The following KLHDC1 variants were observed in gnomAD, a reference collection of about 807,000 sequenced individuals.
KLHDC1 encodes the protein kelch domain containing 1, also known as kelch domain-containing protein 1.
Under a neutral mutation model 68.3 loss-of-function variants are expected in KLHDC1, and 53 were observed. The ratio of observed to expected loss-of-function variants is 0.78; its 90% CI spans 0.62 to 0.98. The LOEUF is 0.98. KLHDC1 is among the 50% of genes least tolerant of loss of function. The probability of loss-of-function intolerance (pLI) is 0.00; values close to 1 mark genes in which losing one functional copy is unlikely to be tolerated. For missense variants in KLHDC1, 470 were observed against 492.3 expected, an observed-to-expected ratio of 0.95 and a Z score of 0.43; for synonymous variants, 148 against 159.0, an observed-to-expected ratio of 0.93 and a Z score of 0.52.
Position 49,752,960 on chromosome 14 carries a change from A to G in KLHDC1, c.*1188A>G, listed in dbSNP as rs188761253. The stretch of plus-strand genomic sequence containing the variant: ...GAAATATATATAATTTATAATGAAA[A>G]TTATAGTAGTTTGTAGTATTTCATT... On this transcript the variant is annotated 3_prime_UTR_variant, in exon 13 of 13. Coordinates refer to ENST00000359332, the MANE Select transcript of KLHDC1 (RefSeq NM_172193.3). 5.9e-4 allele frequency: 90 copies of G among 152,070 alleles called. No individual in the cohort carries two copies. Among genetic ancestry groups the G allele is most frequent in the African/African-American group, 2.0e-3 (85 of 41,546 alleles). 9.4% of individuals were successfully genotyped at this position (152,070 alleles called of 1,614,324 possible).
At position 49,713,831 on chromosome 14, in the gene KLHDC1, TATATATATATATATA is replaced by T. The variant is rs1888287677; in HGVS notation, c.404+3451_404+3465del. Among the ~76,000 whole-genome samples the T allele has an allele frequency of 3.4e-3, 47 of 13,704 alleles. 3 individuals are homozygous for T. Among genetic ancestry groups the T allele is most frequent in the Non-Finnish European group, 3.9e-3 (28 of 7,130 alleles). 9.0% of individuals were successfully genotyped at this position (13,704 alleles called of 152,430 possible). The stretch of plus-strand genomic sequence containing the variant: ...ATATATATATATATATATATATATA[TATATATATATATATA>T]TATATTTTTTTTTTTTTTTTTCCTG... On this transcript the variant is annotated intron_variant, in intron 4 of 12. Transcript: ENST00000359332.
At chr14:49,700,764 A>G (rs993149352) in intron 1 of KLHDC1, among the ~76,000 whole-genome samples, 6 of 152,164 alleles carry the variant, frequency 3.9e-5, no homozygotes, top group African/African-American at 1.4e-4. Context: ...GCAAGTAGAG[A>G]TAGTACAATG....
chr14:49,751,489 T>C (rs112257985), intron 12 of KLHDC1, 97 bp from the exon 13 acceptor site: 6 of 558,818 alleles, frequency 1.1e-5, no homozygotes, highest in African/African-American at 7.8e-5. Context: ...GAAAGTCCAA[T>C]ACTACAATGT....
intron 8 of KLHDC1, among the ~76,000 whole-genome samples, chr14:49,730,441 C>T (rs1050325943): frequency 6.6e-5 from 10 of 151,874 alleles, no homozygotes; most frequent in Admixed American, 2.0e-4. Flanking sequence ...AGGATGGTCT[C>T]GATCTCTTGA....
intron 4 of KLHDC1, among the ~76,000 whole-genome samples, chr14:49,723,326 A>T (rs778884163): frequency 4.6e-5 from 7 of 151,932 alleles, no homozygotes; most frequent in Non-Finnish European, 1.0e-4. Flanking sequence ...TGACCCCAAG[A>T]GTTCAAGACC....
chr14:49,751,716 C>T lies in KLHDC1; in HGVS notation c.1165C>T (p.Gln389Ter), dbSNP rs1191394241. 1.2e-6 allele frequency: 2 copies of T among 1,601,320 alleles called. No individual in the cohort carries two copies. The highest frequency in any genetic ancestry group is 2.2e-5 in the South Asian group (2 of 89,444). Residue 389 changes from glutamine (Q) to a stop codon, truncating the protein, a stop_gained, in exon 13 of 13, where the codon CAA becomes TAA. Transcript: ENST00000359332. LOFTEE classifies it high-confidence loss of function. ...FWAAANHREEQRVQKEETENK... is the reference protein window; with the variant it reads ...FWAAANHREE ...GGCTGCAGCTAATCACCGAGAAGAA[C>T]AAAGAGTCCAAAAAGAAGAAACAGA...
intron 4 of KLHDC1, among the ~76,000 whole-genome samples, chr14:49,718,545 T>G (rs1386968484): frequency 6.6e-6 from 1 of 152,132 alleles, no homozygotes; most frequent in Non-Finnish European, 1.5e-5. Flanking sequence ...CCTCCCAAAG[T>G]GCTGGGATTA....
chr14:49,728,048 G>A (rs1236598110), intron 6 of KLHDC1, among the ~76,000 whole-genome samples: 2 of 152,160 alleles, frequency 1.3e-5, no homozygotes, highest in Admixed American at 6.5e-5. Context: ...CTAGGGTGGC[G>A]TAATGGCTCA....
At chr14:49,714,673 C>T (rs769399814) in intron 4 of KLHDC1, among the ~76,000 whole-genome samples, 29 of 151,658 alleles carry the variant, frequency 1.9e-4, no homozygotes, top group Non-Finnish European at 4.0e-4. Context: ...GTCCCAGCTA[C>T]TTGGGAGGCT....
chr14:49,730,418 C>T (rs901410439), intron 8 of KLHDC1, among the ~76,000 whole-genome samples: 5 of 151,920 alleles, frequency 3.3e-5, no homozygotes, highest in African/African-American at 1.2e-4. Flanking sequence ...GACGAGATTT[C>T]ACCATGTTGG....
intron 5 of KLHDC1, 34 bp downstream of exon 5, chr14:49,723,986 A>G (rs1888604102): frequency 1.6e-6 from 2 of 1,214,632 alleles, no homozygotes; most frequent in African/African-American, 3.0e-5. Flanking sequence ...ATTTTCCTCC[A>G]AGTCAGTATA....
At position 49,734,663 on chromosome 14, in the gene KLHDC1, TA is replaced by T; in HGVS notation, c.896+4del. ...ACATTTACCTAAAACAAGACCTAGG[TA>T]AGTCAAGAAATTGACAAATAGTAAA... On this transcript the variant is annotated splice_donor_region_variant and intron_variant, in intron 10 of 12. Coordinates refer to ENST00000359332, the MANE Select transcript of KLHDC1 (RefSeq NM_172193.3). 6.5e-7 allele frequency: 1 copy of T among 1,544,020 alleles called. No individual in the cohort carries two copies. The highest frequency in any genetic ancestry group is 8.9e-7 in the Non-Finnish European group (1 of 1,126,206).
rs551332213 is a variant in KLHDC1, at chr14:49,743,181, G to T, written c.982-572G>T. The stretch of plus-strand genomic sequence containing the variant: ...GGAGGCTGAGGCAGGTGGATCACCT[G>T]AGGTCAGGAGTTCGAAACCAGCCTG... On this transcript the variant is annotated intron_variant, in intron 11 of 12. Transcript: ENST00000359332. 2.6e-5 allele frequency among the ~76,000 whole-genome samples: 4 copies of T among 151,664 alleles called. No homozygotes were observed. In the East Asian group the frequency reaches 7.7e-4, roughly 29 times the overall value.
intron 10 of KLHDC1, among the ~76,000 whole-genome samples, chr14:49,737,779 C>G (rs2139763396): frequency 6.9e-6 from 1 of 145,392 alleles, no homozygotes; most frequent in South Asian, 2.2e-4. Context: ...GTGGGAGGAT[C>G]ACTTGAGCCT....
intron 1 of KLHDC1, among the ~76,000 whole-genome samples, chr14:49,706,328 G>T (rs771986922): frequency 6.6e-6 from 1 of 152,002 alleles, no homozygotes; most frequent in Non-Finnish European, 1.5e-5. Context: ...CTTTTTTATG[G>T]CTGAATGGTG....
chr14:49,736,145 A>C (rs1202107713), intron 10 of KLHDC1, among the ~76,000 whole-genome samples: 2 of 152,218 alleles, frequency 1.3e-5, no homozygotes, highest in Non-Finnish European at 2.9e-5. Context: ...TATTAGTAAA[A>C]ATGTTTAATT....
At chr14:49,720,350 G>T (rs1379399869) in intron 4 of KLHDC1, among the ~76,000 whole-genome samples, 1 of 152,098 alleles carries the variant, frequency 6.6e-6, no homozygotes, top group Non-Finnish European at 1.5e-5. Flanking sequence ...AAACTCCTGG[G>T]TTCAAGCACT....
chr14:49,746,076 T>G (rs1889193076), intron 12 of KLHDC1, among the ~76,000 whole-genome samples: 1 of 151,900 alleles, frequency 6.6e-6, no homozygotes, highest in Admixed American at 6.6e-5. Flanking sequence ...ATGGAGATAT[T>G]TAGGAGGGAG....
intron 4 of KLHDC1, among the ~76,000 whole-genome samples, chr14:49,723,221 A>G (rs1222711935): frequency 6.6e-6 from 1 of 150,570 alleles, no homozygotes; most frequent in Admixed American, 6.6e-5. Context: ...CCCACAGCAC[A>G]TGGGAATTCA....
Sources: allele counts gnomAD v4.1 joint callset (sites outside exome capture counted in the v4.1 genomes callset), GRCh38; gene constraint gnomAD v4.1.1; transcripts MANE v1.5; gene names NCBI Gene and HGNC (gene_info 2026-07-23, HGNC 2026-07-21).